NBEA: variants seen among roughly 807,000 people sequenced by gnomAD.
NBEA encodes lysosomal-trafficking regulator 2.
Under a neutral mutation model 343.4 loss-of-function variants are expected in NBEA, and 44 were observed. The ratio of observed to expected loss-of-function variants is 0.13; its 90% CI spans 0.10 to 0.16. NBEA has a LOEUF of 0.16. Among genes scored for constraint, NBEA ranks in the 10% least tolerant of loss-of-function variants. The pLI is 1.00. For missense variants in NBEA, 2,555 were observed against 3,631.3 expected (o/e 0.70, Z 7.62); for synonymous variants, 1,175 against 1,238.7 (o/e 0.95, Z 1.08).
At chr13:35,551,773 T>G (rs2079338538) in intron 43 of NBEA, among the ~76,000 whole-genome samples, 1 of 152,320 alleles carries the variant, frequency 6.6e-6, no homozygotes, top group African/African-American at 2.4e-5. Flanking sequence ...AAATCACCGC[T>G]ACTTCTTCAG....
chr13:35,115,927 G>C (rs951208503), intron 13 of NBEA, among the ~76,000 whole-genome samples: 2 of 152,048 alleles, frequency 1.3e-5, no homozygotes, highest in Non-Finnish European at 2.9e-5. Flanking sequence ...TTATAAAACT[G>C]GTCCAATTTT....
At chr13:35,555,762 T>C (rs1193433881) in intron 44 of NBEA, among the ~76,000 whole-genome samples, 1 of 152,108 alleles carries the variant, frequency 6.6e-6, no homozygotes, top group Admixed American at 6.5e-5. Flanking sequence ...AGTTTACTTC[T>C]ATAAACCAGG....
chr13:35,374,231 CAAG>C (rs1464975974), intron 38 of NBEA, among the ~76,000 whole-genome samples: 3 of 151,926 alleles, frequency 2.0e-5, no homozygotes, highest in Non-Finnish European at 4.4e-5. Flanking sequence ...TGGGGAGGCC[CAAG>C]AAGAAGGAGA....
intron 43 of NBEA, among the ~76,000 whole-genome samples, chr13:35,554,401 G>T (rs2079486924): frequency 6.6e-6 from 1 of 152,102 alleles, no homozygotes; most frequent in Non-Finnish European, 1.5e-5. Context: ...TCATAATTTG[G>T]ACCAATGATC....
intron 40 of NBEA, among the ~76,000 whole-genome samples, chr13:35,458,960 T>A (rs1385071132): frequency 6.6e-6 from 1 of 151,366 alleles, no homozygotes; most frequent in Non-Finnish European, 1.5e-5. Context: ...GGATTTTTTT[T>A]AATTTGGGTT....
chr13:35,041,115 A>T lies in NBEA; in HGVS notation c.477A>T (p.Leu159=), dbSNP rs1566197936. Residue 159 remains leucine (L), a synonymous_variant, in exon 2 of 59, where the codon CTA becomes CTT. Transcript: ENST00000379939. ...RNLQTSTEVG[L]IEQVLLKMSA... ...TACAGACTAGCACAGAAGTTGGGCTAATTGAACAAGTATTGCTGAAAATGA... is the reference window on the plus strand; with the variant it reads ...TACAGACTAGCACAGAAGTTGGGCTTATTGAACAAGTATTGCTGAAAATGA... The T allele has an allele frequency of 7.4e-6, 12 of 1,612,812 alleles. No homozygotes were observed. The highest frequency in any genetic ancestry group is 1.0e-5 in the Non-Finnish European group (12 of 1,179,440).
chr13:34,950,832 T>C (rs1331725114), intron 1 of NBEA, among the ~76,000 whole-genome samples: 14 of 152,136 alleles, frequency 9.2e-5, no homozygotes, highest in Admixed American at 9.2e-4. Context: ...CTCATGCCTG[T>C]AATTCCAGCA....
In NBEA at chr13:35,652,986, G is replaced by A. The variant is rs1321130165; in HGVS notation, c.8035+1110G>A. 6.6e-5 allele frequency among the ~76,000 whole-genome samples: 10 copies of A among 151,986 alleles called. No homozygotes were observed. The South Asian group carries it at 8.3e-4, about 13-fold the overall frequency. On this transcript the variant is annotated intron_variant, in intron 53 of 58. Transcript: ENST00000379939. ...TGGGATTACAGGCGTGAGCCACCGC[G>A]CCCGGCCACCTCTGGCAGTCTTTAT...
chr13:35,042,938 G>A (rs2062708240), intron 2 of NBEA, among the ~76,000 whole-genome samples: 2 of 151,664 alleles, frequency 1.3e-5, no homozygotes, highest in Admixed American at 1.3e-4. Context: ...TGTAGTAAAA[G>A]TGTCACTAAA....
chr13:35,134,063 A>T (rs928060012), intron 17 of NBEA, among the ~76,000 whole-genome samples: 1 of 152,184 alleles, frequency 6.6e-6, no homozygotes, highest in Non-Finnish European at 1.5e-5. Context: ...TCAAAAGAGA[A>T]TGTGGAAGGA....
In NBEA at chr13:35,513,301, A is replaced by ATTTTTTTTTT. The variant is rs1566247982; in HGVS notation, c.6586-37176_6586-37175insTTTTTTTTTT. 3.4e-5 allele frequency among the ~76,000 whole-genome samples: 4 copies of ATTTTTTTTTT among 117,286 alleles called. 1 individual carries two copies. The highest frequency in any genetic ancestry group is 7.1e-5 in the African/African-American group (2 of 28,312). The allele number at this position is 117,286 out of a possible 152,430, so 76.9% of individuals were successfully genotyped here. A position where few individuals can be genotyped will look rare whatever the true frequency, so the allele number is the denominator to read the frequency against. ...ACAGGCGCCTGCCACCACACCTGGC[A>ATTTTTTTTTT]ATTTTTTTTTTTTTTTTTTTTTTTT... On this transcript the variant is annotated intron_variant, in intron 41 of 58. Transcript: ENST00000379939.
At position 34,942,649 on chromosome 13, in the gene NBEA, G is replaced by A. The variant is rs1257580822; in HGVS notation, c.-172G>A. On this transcript the variant is annotated 5_prime_UTR_variant, in exon 1 of 59. Transcript: ENST00000379939. ...GATCCCCCGCCGCCTCCGCGGGGGAGAGCGCCGGAGCGGGCCGGGCTGAGG... is the reference window on the plus strand; with the variant it reads ...GATCCCCCGCCGCCTCCGCGGGGGAAAGCGCCGGAGCGGGCCGGGCTGAGG... 5.3e-6 allele frequency: 2 copies of A among 373,946 alleles called. No individual in the cohort carries two copies. Among genetic ancestry groups the A allele is most frequent in the African/African-American group, 4.3e-5 (2 of 47,038 alleles). 23.2% of individuals were successfully genotyped at this position (373,946 alleles called of 1,614,324 possible).
At chr13:35,578,850 G>A (rs1433906090) in intron 45 of NBEA, among the ~76,000 whole-genome samples, 1 of 151,928 alleles carries the variant, frequency 6.6e-6, no homozygotes, top group Non-Finnish European at 1.5e-5. Flanking sequence ...GAGATAGCTT[G>A]GGAACAGATC....
intron 55 of NBEA, among the ~76,000 whole-genome samples, chr13:35,661,855 T>C (rs2085105606): frequency 2.0e-5 from 3 of 152,188 alleles, no homozygotes; most frequent in Non-Finnish European, 4.4e-5. Flanking sequence ...CTGCAGTGAC[T>C]TCCCCAGGGT....
chr13:35,575,531 C>T (rs930332945), intron 45 of NBEA, among the ~76,000 whole-genome samples: 6 of 152,064 alleles, frequency 3.9e-5, no homozygotes, highest in African/African-American at 1.2e-4. Flanking sequence ...AATAACAATA[C>T]CCATTAACCA....
chr13:34,960,987 A>G (rs1271147197), intron 1 of NBEA, among the ~76,000 whole-genome samples: 1 of 152,062 alleles, frequency 6.6e-6, no homozygotes, highest in African/African-American at 2.4e-5. Flanking sequence ...ACATTGAAAA[A>G]TTATGCTGCC....
intron 44 of NBEA, among the ~76,000 whole-genome samples, chr13:35,559,421 T>C (rs1021199437): frequency 1.3e-5 from 2 of 152,206 alleles, no homozygotes; most frequent in Non-Finnish European, 2.9e-5. Flanking sequence ...TTATTTCATT[T>C]GATTGATTGA....
chr13:35,372,184 G>A lies in NBEA; in HGVS notation c.6179+19861G>A, dbSNP rs568360803. On this transcript the variant is annotated intron_variant, in intron 38 of 58. Transcript: ENST00000379939. ...GTCTTTGGTTCCCTGGGCAGTGGGC[G>A]TGGTATGAGTGATGGTAATAATAAT... Among the ~76,000 whole-genome samples, 36 of 152,246 alleles carry A rather than the reference G, an allele frequency of 2.4e-4. No individual in the cohort carries two copies. The East Asian group carries it at 3.1e-3, about 13-fold the overall frequency.
Position 35,208,731 on chromosome 13 carries a change from C to T in NBEA, c.5398C>T (p.Pro1800Ser), listed in dbSNP as rs2073567514. The T allele has an allele frequency of 1.1e-5, 17 of 1,608,414 alleles. No homozygotes were observed. Among genetic ancestry groups the T allele is most frequent in the Non-Finnish European group, 1.4e-5 (17 of 1,176,610 alleles). The change falls in exon 32 of 59, where the codon CCA becomes TCA. Residue 1800 changes from proline (P) to serine (S), a missense_variant. Physicochemically the swap from Pro to Ser is moderately conservative, Grantham distance 74. Around this residue, in one of 21 missense-constraint regions of NBEA, gnomAD observed 270 missense variants for 293.3 expected, o/e 0.92. Coordinates refer to ENST00000379939, the MANE Select transcript of NBEA (RefSeq NM_001385012.1). ...SVVVPVKKPP[P>S]GSLAVTTVGA... ...TGTGGTGCCTGTAAAGAAACCACCT[C>T]CAGGTAGTTTAGCTGTAACCACTGT... is the stretch of plus-strand genomic sequence containing the variant.
Sources: allele counts gnomAD v4.1 joint callset (sites outside exome capture counted in the v4.1 genomes callset), GRCh38; gene constraint gnomAD v4.1.1; regional missense constraint gnomAD v4.1.1; transcripts MANE v1.5; gene names NCBI Gene and HGNC (gene_info 2026-07-23, HGNC 2026-07-21).